MBL2: variants seen among roughly 807,000 people sequenced by gnomAD.
MBL2 encodes the protein mannose-binding protein C.
MBL2 carries 6 observed loss-of-function variants against 12.7 expected under a neutral mutation model. That is an observed-to-expected ratio of 0.47 (90% CI 0.26 to 0.94). The LOEUF is 0.94. MBL2 is among the 40% of genes least tolerant of loss of function. The pLI is 0.15. For synonymous variants in MBL2, 114 were observed against 112.0 expected (o/e 1.02, Z -0.11); for missense variants, 307 against 295.2 (o/e 1.04, Z -0.29).
chr10:52,772,545 C>A (rs1175417498), intron 1 of MBL2, among the ~76,000 whole-genome samples, 192 bp downstream of exon 1: 1 of 152,116 alleles, frequency 6.6e-6, no homozygotes, highest in Non-Finnish European at 1.5e-5. Flanking sequence ...GTCTCCACTG[C>A]AGATGAACAG....
intron 3 of MBL2, among the ~76,000 whole-genome samples, chr10:52,769,976 A>G (rs573897978): frequency 2.9e-4 from 44 of 152,336 alleles, no homozygotes; most frequent in Non-Finnish European, 4.4e-4. Flanking sequence ...ATACAGTCTG[A>G]CAGAAATGAT....
At position 52,767,983 on chromosome 10, in the gene MBL2, G is replaced by T. The variant is rs1391971175; in HGVS notation, c.*154C>A. Reference sequence around the variant, plus strand: ...GCTAACTACTACTACTACTATTATTGCTTTGTTGGTGCTGTTAGTGATCAT... The same window carrying T: ...GCTAACTACTACTACTACTATTATTTCTTTGTTGGTGCTGTTAGTGATCAT... On this transcript the variant is annotated 3_prime_UTR_variant, in exon 5 of 5. Transcript: ENST00000674931. 5 of 818,798 alleles carry T rather than the reference G, an allele frequency of 6.1e-6. No homozygotes were observed. The highest frequency in any genetic ancestry group is 4.8e-5 in the South Asian group (2 of 42,054). The allele number at this position is 818,798 out of a possible 1,614,324, so 50.7% of individuals were successfully genotyped here.
Position 52,767,812 on chromosome 10 carries a change from C to T in MBL2, c.*325G>A, listed in dbSNP as rs922535672. The T allele has an allele frequency of 2.7e-5, 5 of 187,504 alleles. No individual in the cohort carries two copies. Among genetic ancestry groups the T allele is most frequent in the Non-Finnish European group, 4.4e-5 (4 of 91,826 alleles). 11.6% of individuals were successfully genotyped at this position (187,504 alleles called of 1,614,324 possible). A position where few individuals can be genotyped will look rare whatever the true frequency, so the allele number is the denominator to read the frequency against. ...TTTGTTGTAAATGGAAAAATAAATC[C>T]GTCTTATTTTCATACTGCAGCAAGT... On this transcript the variant is annotated 3_prime_UTR_variant, in exon 5 of 5. Transcript: ENST00000674931.
chr10:52,771,352 A>G, intron 2 of MBL2, 97 bp downstream of exon 2: 4 of 1,380,424 alleles, frequency 2.9e-6, no homozygotes, highest in Non-Finnish European at 4.0e-6. Flanking sequence ...TATAGTTGAG[A>G]AAAATATACT....
chr10:52,769,157 T>C, intron 4 of MBL2, 90 bp downstream of exon 4: 1 of 818,614 alleles, frequency 1.2e-6, no homozygotes, highest in Non-Finnish European at 2.0e-6. Flanking sequence ...CCTAGCAGGG[T>C]ACAGAAAATT....
At position 52,768,489 on chromosome 10, in the gene MBL2, T is replaced by C; in HGVS notation, c.395A>G (p.Lys132Arg). The part of the protein sequence containing the change: ...IKKWLTFSLG[K>R]QVGNKFFLTN... ...CAGGAAGAACTTGTTCCCAACTTGT[T>C]TGCCCAGAGAGAAGGTGAGCCCTAA... Residue 132 changes from lysine to arginine, a missense_variant, in exon 5 of 5, where the codon AAA becomes AGA. Coordinates refer to ENST00000674931, the MANE Select transcript of MBL2 (RefSeq NM_001378373.1). The C allele has an allele frequency of 6.3e-7, 1 of 1,580,430 alleles. No homozygotes were observed. Among genetic ancestry groups the C allele is most frequent in the South Asian group, 1.2e-5 (1 of 83,968 alleles).
In MBL2 at chr10:52,766,780, T is replaced by C. The variant is rs2132689577; in HGVS notation, c.*1357A>G. 1 of 152,090 alleles carries C rather than the reference T, an allele frequency of 6.6e-6. No individual in the cohort carries two copies. Among genetic ancestry groups the C allele is most frequent in the Admixed American group, 6.5e-5 (1 of 15,270 alleles). 9.4% of individuals were successfully genotyped at this position (152,090 alleles called of 1,614,324 possible). On this transcript the variant is annotated 3_prime_UTR_variant, in exon 5 of 5. Transcript: ENST00000674931. ...CATTAAAAAGGACATATTCAGAATG[T>C]AAAAATAACTTAAAAATCAGTAAGA...
At chr10:52,768,955 A>G (rs889902119) in intron 4 of MBL2, among the ~76,000 whole-genome samples, 2 of 152,074 alleles carry the variant, frequency 1.3e-5, no homozygotes, top group African/African-American at 2.4e-5. Context: ...ACAAAGGGAT[A>G]TAAGTCCCAT....
chr10:52,766,852 G>A lies in MBL2; in HGVS notation c.*1285C>T, dbSNP rs1177852761. 6.6e-6 allele frequency: 1 copy of A among 151,144 alleles called. No individual in the cohort carries two copies. The highest frequency in any genetic ancestry group is 1.5e-5 in the Non-Finnish European group (1 of 68,012). 9.4% of individuals were successfully genotyped at this position (151,144 alleles called of 1,614,324 possible). A position where few individuals can be genotyped will look rare whatever the true frequency, so the allele number is the denominator to read the frequency against. The stretch of plus-strand genomic sequence containing the variant: ...AAACAAAATACAAAAATGTGAACGG[G>A]TACTTCACAAAAGAAGATACCCAAG... On this transcript the variant is annotated 3_prime_UTR_variant, in exon 5 of 5. Coordinates refer to ENST00000674931, the MANE Select transcript of MBL2 (RefSeq NM_001378373.1).
intron 2 of MBL2, among the ~76,000 whole-genome samples, chr10:52,771,191 C>A (rs752764020): frequency 7.9e-5 from 12 of 152,006 alleles, no homozygotes; most frequent in Non-Finnish European, 1.6e-4. Context: ...TGACAATGAC[C>A]CAGAGAAGAA....
At chr10:52,771,322 ATC>A (rs1840388489) in intron 2 of MBL2, 125 bp downstream of exon 2, 1 of 1,051,120 alleles carries the variant, frequency 9.5e-7, no homozygotes, top group Non-Finnish European at 1.4e-6. Flanking sequence ...TGAGAGCTGA[ATC>A]TCTGTTTTGA....
chr10:52,769,882 AT>A (rs1840365056), intron 3 of MBL2, among the ~76,000 whole-genome samples: 1 of 151,150 alleles, frequency 6.6e-6, no homozygotes, highest in South Asian at 2.1e-4. Context: ...AATGGCCTCA[AT>A]AGGGTACAGC....
intron 1 of MBL2, 146 bp downstream of exon 1, chr10:52,772,591 C>G (rs1360281382): frequency 4.2e-6 from 1 of 239,836 alleles, no homozygotes; most frequent in African/African-American, 2.3e-5. Flanking sequence ...CCAGCACAAG[C>G]AGAAAAAGAG....
At position 52,770,672 on chromosome 10, in the gene MBL2, G is replaced by C. The variant is rs143562102; in HGVS notation, c.302C>G (p.Pro101Arg). The change falls in exon 3 of 5, where the codon CCG becomes CGG. Residue 101 changes from proline (P) to arginine (R), a missense_variant and splice_region_variant. Pro to Arg is a moderately radical substitution (Grantham distance 103, BLOSUM62 -2). Coordinates refer to ENST00000674931, the MANE Select transcript of MBL2 (RefSeq NM_001378373.1). The stretch of plus-strand genomic sequence containing the variant: ...TCAGACCTTGCTGGGGTCCTTACCC[G>C]GACTTTTTCCAGGGTCTCCTTTTTG... ...KGQKGDPGKS[P>R]DGDSSLAASE... 2.7e-6 allele frequency: 4 copies of C among 1,468,872 alleles called. No homozygotes were observed. The highest frequency in any genetic ancestry group is 9.1e-7 in the Non-Finnish European group (1 of 1,102,310). The allele number at this position is 1,468,872 out of a possible 1,614,324, so 91.0% of individuals were successfully genotyped here. A position where few individuals can be genotyped will look rare whatever the true frequency, so the allele number is the denominator to read the frequency against.
rs907454314 is a variant in MBL2, at chr10:52,765,613, A to G, written c.*2524T>C. The G allele has an allele frequency of 6.6e-6, 1 of 152,182 alleles. No individual in the cohort carries two copies. The highest frequency in any genetic ancestry group is 1.5e-5 in the Non-Finnish European group (1 of 68,026). 9.4% of individuals were successfully genotyped at this position (152,182 alleles called of 1,614,324 possible). A position where few individuals can be genotyped will look rare whatever the true frequency, so the allele number is the denominator to read the frequency against. On this transcript the variant is annotated 3_prime_UTR_variant, in exon 5 of 5. Coordinates refer to ENST00000674931, the MANE Select transcript of MBL2 (RefSeq NM_001378373.1). ...GAAATAAGAATGATTATTTTCTCTC[A>G]GCTGCAAATACATGGCTGAAACACA...
chr10:52,769,224 G>A (rs756668730), intron 4 of MBL2, 23 bp downstream of exon 4: 3 of 1,558,312 alleles, frequency 1.9e-6, no homozygotes, highest in Non-Finnish European at 2.6e-6. Context: ...CAAGCTGCCT[G>A]GAGAGTAAGA....
Position 52,770,709 on chromosome 10 carries a change from C to T in MBL2, c.265G>A (p.Gly89Arg), listed in dbSNP as rs751877822. ...PGNPGPSGSP[G>R]PKGQKGDPGK... ...GGGTCTCCTTTTTGGCCCTTTGGTCCTGGTGACCCAGAAGGCCCTGGATTT... is the reference window on the plus strand; with the variant it reads ...GGGTCTCCTTTTTGGCCCTTTGGTCTTGGTGACCCAGAAGGCCCTGGATTT... Residue 89 changes from glycine (G) to arginine (R), a missense_variant, in exon 3 of 5, where the codon GGA (glycine) becomes AGA (arginine). By Grantham distance (125) the Gly-to-Arg change is moderately radical. Coordinates refer to ENST00000674931, the MANE Select transcript of MBL2 (RefSeq NM_001378373.1). 2.0e-5 allele frequency: 30 copies of T among 1,520,884 alleles called. No homozygotes were observed. The highest frequency in any genetic ancestry group is 5.0e-5 in the East Asian group (2 of 40,178). 94.2% of individuals were successfully genotyped at this position (1,520,884 alleles called of 1,614,324 possible).
Position 52,770,764 on chromosome 10 carries a change from C to A in MBL2, c.210G>T (p.Gln70His). ...GAGGCCCCAACTTTCCAGGGGGGCCCTGTAAGCCTCTGAGCCCTTGGCCTG... is the reference window on the plus strand; with the variant it reads ...GAGGCCCCAACTTTCCAGGGGGGCCATGTAAGCCTCTGAGCCCTTGGCCTG... ...GEPGQGLRGLQGPPGKLGPPG... is the reference protein window; with the variant it reads ...GEPGQGLRGLHGPPGKLGPPG... The change falls in exon 3 of 5, where the codon CAG becomes CAT. Residue 70 changes from glutamine (Q) to histidine (H), a missense_variant. Transcript: ENST00000674931. The A allele has an allele frequency of 6.7e-7, 1 of 1,500,100 alleles. No homozygotes were observed. Among genetic ancestry groups the A allele is most frequent in the Admixed American group, 2.1e-5 (1 of 47,790 alleles). 92.9% of individuals were successfully genotyped at this position (1,500,100 alleles called of 1,614,324 possible).
intron 1 of MBL2, among the ~76,000 whole-genome samples, chr10:52,772,178 A>C (rs1798872273): frequency 6.6e-6 from 1 of 152,182 alleles, no homozygotes; most frequent in African/African-American, 2.4e-5. Flanking sequence ...GGAAGGTCTC[A>C]ACCTCAGATC....
Sources: allele counts gnomAD v4.1 joint callset (sites outside exome capture counted in the v4.1 genomes callset), GRCh38; gene constraint gnomAD v4.1.1; transcripts MANE v1.5; gene names NCBI Gene and HGNC (gene_info 2026-07-23, HGNC 2026-07-21).